The following PEX14 variants were observed in gnomAD, a reference collection of about 807,000 sequenced individuals.
The protein encoded by PEX14 is peroxisomal biogenesis factor 14.
PEX14 carries 15 observed loss-of-function variants against 49.5 expected under a neutral mutation model. The ratio of observed to expected loss-of-function variants is 0.30; its 90% CI spans 0.20 to 0.47. The LOEUF is 0.47. Among genes scored for constraint, PEX14 ranks in the 20% least tolerant of loss-of-function variants. PEX14 has a pLI of 1.00. For synonymous variants in PEX14, 210 were observed against 212.7 expected, an observed-to-expected ratio of 0.99 and a Z score of 0.11; for missense variants, 398 against 494.8, an observed-to-expected ratio of 0.80 and a Z score of 1.86.
At chr1:10,508,201 G>GT (rs1641820352) in intron 2 of PEX14, among the ~76,000 whole-genome samples, 5 of 151,430 alleles carry the variant, frequency 3.3e-5, no homozygotes, top group African/African-American at 1.2e-4. Flanking sequence ...CCATTTTTTT[G>GT]TTTTTTGTTT....
At position 10,621,572 on chromosome 1, in the gene PEX14, C is replaced by T. The variant is rs139000100; in HGVS notation, c.385-1447C>T. On this transcript the variant is annotated intron_variant, in intron 5 of 8. Coordinates refer to ENST00000356607, the MANE Select transcript of PEX14 (RefSeq NM_004565.3). Reference sequence around the variant, plus strand: ...GTGTTGGCCAGGCTGGTCTCGAACGCCTGACCTCATGATCTGCCCACCTCA... The same window carrying T: ...GTGTTGGCCAGGCTGGTCTCGAACGTCTGACCTCATGATCTGCCCACCTCA... Among the ~76,000 whole-genome samples, 835 of 152,170 alleles carry T rather than the reference C, an allele frequency of 5.5e-3. 15 individuals carry two copies. Among genetic ancestry groups the T allele is most frequent in the African/African-American group, 0.02 (811 of 41,506 alleles).
chr1:10,502,858 A>C (rs918254188), intron 2 of PEX14, among the ~76,000 whole-genome samples: 1 of 148,324 alleles, frequency 6.7e-6, no homozygotes. Flanking sequence ...GTGCAGTGGC[A>C]CAATCATGGC....
chr1:10,561,004 A>G (rs34575776), intron 3 of PEX14, among the ~76,000 whole-genome samples: 39,642 of 151,954 alleles, frequency 0.26, 5,991 homozygotes, highest in Admixed American at 0.37. Context: ...GGGGTAAGCC[A>G]CTGTGCCTGG....
intron 3 of PEX14, among the ~76,000 whole-genome samples, chr1:10,567,908 G>A (rs965615452): frequency 6.6e-6 from 1 of 152,146 alleles, no homozygotes; most frequent in Non-Finnish European, 1.5e-5. Context: ...GGGATTACAG[G>A]CATGAGCCAC....
Position 10,535,031 on chromosome 1 carries a change from C to T in PEX14, c.85-1182C>T, listed in dbSNP as rs151330715. Among the ~76,000 whole-genome samples, 370 of 152,318 alleles carry T rather than the reference C, an allele frequency of 2.4e-3. 3 individuals carry two copies. The highest frequency in any genetic ancestry group is 2.4e-3 in the Non-Finnish European group (162 of 68,026). ...GACTGCTTCCCTTAGTTTGAAGGATCTTAGAAAACTTCCTTACATCTAGCC... is the reference window on the plus strand; with the variant it reads ...GACTGCTTCCCTTAGTTTGAAGGATTTTAGAAAACTTCCTTACATCTAGCC... On this transcript the variant is annotated intron_variant, in intron 2 of 8. Transcript: ENST00000356607.
rs70997243 is a variant in PEX14 at position 10,498,280 on chromosome 1, T to TAAAACAAAACAAAAC, written c.84+2984_84+2998dup. On this transcript the variant is annotated intron_variant, in intron 2 of 8. Transcript: ENST00000356607. ...GAGCAACAGAGCAAGGCCCTGTCTC[T>TAAAACAAAACAAAAC]AAAACAAAACAAAACAAAACAAAAC... is the stretch of plus-strand genomic sequence containing the variant. Among the ~76,000 whole-genome samples the TAAAACAAAACAAAAC allele has an allele frequency of 4.7e-5, 7 of 150,042 alleles. 1 individual carries two copies. The highest frequency in any genetic ancestry group is 4.3e-4 in the South Asian group (2 of 4,670).
chr1:10,550,908 G>A (rs1432061654), intron 3 of PEX14, among the ~76,000 whole-genome samples: 1 of 152,162 alleles, frequency 6.6e-6, no homozygotes, highest in Non-Finnish European at 1.5e-5. Context: ...TGCTACATAG[G>A]AAGTGAATTT....
At chr1:10,603,453 G>A (rs573970288) in intron 4 of PEX14, among the ~76,000 whole-genome samples, 2 of 152,192 alleles carry the variant, frequency 1.3e-5, no homozygotes, top group East Asian at 3.9e-4. Context: ...TTGTGAAAGT[G>A]ATAGGAGGTT....
At chr1:10,522,996 A>C (rs1027255858) in intron 2 of PEX14, among the ~76,000 whole-genome samples, 1 of 152,196 alleles carries the variant, frequency 6.6e-6, no homozygotes, top group Non-Finnish European at 1.5e-5. Context: ...AACCTGTTGA[A>C]ATATAGATGT....
At chr1:10,533,814 G>A (rs565261470) in intron 2 of PEX14, among the ~76,000 whole-genome samples, 2 of 152,276 alleles carry the variant, frequency 1.3e-5, no homozygotes, top group Admixed American at 6.5e-5. Flanking sequence ...CGATGGATCC[G>A]TTTTGCCTAC....
chr1:10,515,554 A>G (rs377502654), intron 2 of PEX14, among the ~76,000 whole-genome samples: 6 of 152,162 alleles, frequency 3.9e-5, no homozygotes, highest in Admixed American at 2.6e-4. Flanking sequence ...TCCTGATCTC[A>G]GCTGCCTCCC....
chr1:10,519,620 G>A (rs1384898477), intron 2 of PEX14, among the ~76,000 whole-genome samples: 1 of 152,200 alleles, frequency 6.6e-6, no homozygotes, highest in African/African-American at 2.4e-5. Context: ...AAAATTGGAA[G>A]TGTGCAGCCT....
At chr1:10,579,700 G>C (rs557924878) in intron 3 of PEX14, among the ~76,000 whole-genome samples, 1 of 152,100 alleles carries the variant, frequency 6.6e-6, no homozygotes, top group Non-Finnish European at 1.5e-5. Flanking sequence ...TTAACTTCCC[G>C]ATGTTGCCAT....
intron 7 of PEX14, 127 bp from the exon 8 acceptor site, chr1:10,627,144 TC>T (rs1276495859): frequency 1.2e-5 from 9 of 753,876 alleles, no homozygotes; most frequent in Non-Finnish European, 2.0e-5. Context: ...GGCAGAACCT[TC>T]CCCCGGGTTC....
rs181925337 is a variant in PEX14, at chr1:10,628,037, G to A, written c.677+674G>A. Among the ~76,000 whole-genome samples the A allele has an allele frequency of 7.9e-3, 1,206 of 152,198 alleles. 16 individuals are homozygous for A. The highest frequency in any genetic ancestry group is 0.027 in the African/African-American group (1,114 of 41,520). On this transcript the variant is annotated intron_variant, in intron 8 of 8. Transcript: ENST00000356607. This position sits in a 1 kb window ranked among gnomAD's most constrained non-coding sequence, Gnocchi z 4.5. Reference sequence around the variant, plus strand: ...TGCAACCTCTGCCTCCCGGGTTCACGCCATTCTCCTGCCTCAGCCTCCCGA... The same window carrying A: ...TGCAACCTCTGCCTCCCGGGTTCACACCATTCTCCTGCCTCAGCCTCCCGA...
intron 1 of PEX14, among the ~76,000 whole-genome samples, chr1:10,483,370 GCAGTGGTATGAT>G (rs1321297872): frequency 6.6e-6 from 1 of 152,092 alleles, no homozygotes; most frequent in Non-Finnish European, 1.5e-5. Flanking sequence ...AGGGTGGAGT[GCAGTGGTATGAT>G]CTCGGCTTAC....
intron 2 of PEX14, among the ~76,000 whole-genome samples, chr1:10,519,999 T>A (rs1638228111): frequency 6.6e-6 from 1 of 152,076 alleles, no homozygotes; most frequent in African/African-American, 2.4e-5. Flanking sequence ...TAAAAATAAA[T>A]TAAATAAATA....
At chr1:10,562,534 G>A (rs1376798122) in intron 3 of PEX14, among the ~76,000 whole-genome samples, 1 of 152,072 alleles carries the variant, frequency 6.6e-6, no homozygotes, top group Non-Finnish European at 1.5e-5. Flanking sequence ...TACTTAATTT[G>A]GATTTATCTG....
chr1:10,539,944 A>G lies in PEX14; in HGVS notation c.169+3647A>G, dbSNP rs375027283. ...CTTCTAGGAAAGACAAACATCATCT[A>G]TTTTTCTGTATAACCCTGCATAGTG... On this transcript the variant is annotated intron_variant, in intron 3 of 8. Coordinates refer to ENST00000356607, the MANE Select transcript of PEX14 (RefSeq NM_004565.3). This position sits in a 1 kb window ranked among gnomAD's most constrained non-coding sequence, Gnocchi z 4.6. 3.3e-5 allele frequency among the ~76,000 whole-genome samples: 5 copies of G among 152,130 alleles called. No homozygotes were observed. The highest frequency in any genetic ancestry group is 3.4e-3 in the Middle Eastern group (1 of 294).
Sources: gnomAD v4.1 joint callset for allele counts (sites outside exome capture counted in the v4.1 genomes callset) on GRCh38, gnomAD v4.1.1 for gene constraint, Gnocchi (gnomAD v3.1) non-coding constraint, MANE v1.5 for transcripts, NCBI Gene and HGNC (gene_info 2026-07-23, HGNC 2026-07-21) for gene names.